The following AGGF1 variants were observed in gnomAD, a reference collection of about 807,000 sequenced individuals.
The protein encoded by AGGF1 is angiogenic factor with G-patch and FHA domains 1.
A neutral mutation model predicts 86.5 loss-of-function variants in AGGF1; 56 were observed. The observed-to-expected ratio is 0.65, with a 90% CI of 0.52 to 0.81. AGGF1 has a LOEUF of 0.81. Among genes scored for constraint, AGGF1 ranks in the 30% least tolerant of loss-of-function variants. The pLI, the probability that AGGF1 is intolerant of heterozygous loss-of-function variation, is 0.00. For missense variants in AGGF1, 816 were observed against 850.9 expected (o/e 0.96, Z 0.51); for synonymous variants, 313 against 297.1 (o/e 1.05, Z -0.55).
rs746995872 is a variant in AGGF1, at chr5:77,030,811, C to T, written c.45C>T (p.Pro15=). ...APSPPRSPPP[P]TSPEPELAQL... ...CCCCGCCGCGGTCGCCGCCGCCGCC[C>T]ACCTCCCCCGAGCCTGAGCTGGCCC... The change falls in exon 1 of 14, where the codon CCC becomes CCT. Residue 15 remains proline, a synonymous_variant. Coordinates refer to ENST00000312916, the MANE Select transcript of AGGF1 (RefSeq NM_018046.5). The T allele has an allele frequency of 1.9e-6, 3 of 1,605,558 alleles. No individual in the cohort carries two copies. Among genetic ancestry groups the T allele is most frequent in the Non-Finnish European group, 8.5e-7 (1 of 1,178,246 alleles).
At chr5:77,049,597 T>C (rs547999266) in intron 8 of AGGF1, among the ~76,000 whole-genome samples, 1 of 151,036 alleles carries the variant, frequency 6.6e-6, no homozygotes, top group African/African-American at 2.4e-5. Flanking sequence ...TTACCCAGGC[T>C]GGAGTACAGT....
chr5:77,044,968 G>A (rs941944203), intron 5 of AGGF1, among the ~76,000 whole-genome samples: 1 of 151,976 alleles, frequency 6.6e-6, no homozygotes, highest in Non-Finnish European at 1.5e-5. Flanking sequence ...GGGAGGCTGA[G>A]GCAGTAGAAT....
intron 5 of AGGF1, among the ~76,000 whole-genome samples, chr5:77,040,266 G>A (rs534459122): frequency 5.3e-5 from 8 of 151,960 alleles, no homozygotes; most frequent in South Asian, 2.1e-4. Flanking sequence ...GCACCAACAC[G>A]TCTGGCTAAT....
At chr5:77,032,838 G>A (rs952533649) in intron 1 of AGGF1, among the ~76,000 whole-genome samples, 6 of 152,060 alleles carry the variant, frequency 3.9e-5, no homozygotes, top group South Asian at 2.1e-4. Context: ...ATTTTGAGAG[G>A]TCAGCAATTC....
In AGGF1 at chr5:77,060,178, A is replaced by G. The variant is rs548717963; in HGVS notation, c.1844+435A>G. 4.6e-5 allele frequency among the ~76,000 whole-genome samples: 7 copies of G among 152,336 alleles called. No individual in the cohort carries two copies. In the South Asian group the frequency reaches 1.4e-3, roughly 32 times the overall value. The stretch of plus-strand genomic sequence containing the variant: ...TTAAAATTAACACTTTAACAACAAA[A>G]TGGAGACACTAAGTCTATTTATACT... On this transcript the variant is annotated intron_variant, in intron 12 of 13. Transcript: ENST00000312916.
rs748839256 is a variant in AGGF1, at chr5:77,063,268, A to C, written c.*16A>C. ...TTTAGAGTGAAGGCTAATCATAGAA[A>C]AAAAACCTCTAGTTTTTTTAAAAAT... On this transcript the variant is annotated 3_prime_UTR_variant, in exon 14 of 14. Coordinates refer to ENST00000312916, the MANE Select transcript of AGGF1 (RefSeq NM_018046.5). 6.2e-7 allele frequency: 1 copy of C among 1,608,966 alleles called. No individual in the cohort carries two copies. Among genetic ancestry groups the C allele is most frequent in the East Asian group, 2.2e-5 (1 of 44,856 alleles).
chr5:77,062,060 G>C (rs1009562949), intron 13 of AGGF1, among the ~76,000 whole-genome samples: 4 of 152,098 alleles, frequency 2.6e-5, no homozygotes, highest in African/African-American at 9.7e-5. Context: ...CTGAGCCAAA[G>C]GTTCTTCTGT....
At chr5:77,050,306 C>CTTTTTTTTTTTTTTTTTTTTT (rs10595061) in intron 8 of AGGF1, among the ~76,000 whole-genome samples, 4 of 76,564 alleles carry the variant, frequency 5.2e-5, no homozygotes, top group African/African-American at 1.7e-4. Flanking sequence ...TTCTTTGTTT[C>CTTTTTTTTTTTTTTTTTTTTT]TTTTTTTTTT....
At chr5:77,061,853 C>T (rs764754410) in intron 13 of AGGF1, 51 bp downstream of exon 13, 36 of 1,536,536 alleles carry the variant, frequency 2.3e-5, no homozygotes, top group African/African-American at 4.1e-5. Context: ...AGACATTTAC[C>T]GTGTACATTA....
At chr5:77,057,296 C>A (rs987032486) in intron 11 of AGGF1, among the ~76,000 whole-genome samples, 1 of 152,178 alleles carries the variant, frequency 6.6e-6, no homozygotes, top group South Asian at 2.1e-4. Flanking sequence ...GACCAGTAAA[C>A]AAATGTTCAT....
At chr5:77,058,208 T>C (rs1050025251) in intron 11 of AGGF1, among the ~76,000 whole-genome samples, 2 of 152,196 alleles carry the variant, frequency 1.3e-5, no homozygotes, top group African/African-American at 4.8e-5. Context: ...TAATTATACC[T>C]CAATAAAGTT....
chr5:77,033,925 C>T (rs34309009), intron 1 of AGGF1, among the ~76,000 whole-genome samples: 34,617 of 152,100 alleles, frequency 0.23, 4,483 homozygotes, highest in Non-Finnish European at 0.29. Flanking sequence ...AGGCCGTCAC[C>T]TTCCCTGTTC....
intron 9 of AGGF1, among the ~76,000 whole-genome samples, chr5:77,053,324 G>T (rs1747407133): frequency 6.6e-6 from 1 of 152,172 alleles, no homozygotes; most frequent in Non-Finnish European, 1.5e-5. Flanking sequence ...TTCAAGACCA[G>T]CCTGGCCACC....
chr5:77,039,490 T>C (rs1007153883), intron 4 of AGGF1, 41 bp from the exon 5 acceptor site: 1 of 1,509,126 alleles, frequency 6.6e-7, no homozygotes. Context: ...GTTTATTTTA[T>C]CTTACATGAA....
At chr5:77,054,385 T>G (rs779730379) in intron 10 of AGGF1, among the ~76,000 whole-genome samples, 4 of 152,202 alleles carry the variant, frequency 2.6e-5, no homozygotes, top group Non-Finnish European at 5.9e-5. Context: ...TAGATTATAA[T>G]TGTAGTTGAT....
At chr5:77,042,145 A>G (rs1747101758) in intron 5 of AGGF1, among the ~76,000 whole-genome samples, 1 of 152,186 alleles carries the variant, frequency 6.6e-6, no homozygotes, top group Admixed American at 6.5e-5. Context: ...TCACAGATCA[A>G]CAGGATCCCA....
At chr5:77,059,901 G>C (rs920415805) in intron 12 of AGGF1, among the ~76,000 whole-genome samples, 158 bp downstream of exon 12, 2 of 152,202 alleles carry the variant, frequency 1.3e-5, no homozygotes, top group African/African-American at 4.8e-5. Context: ...GAGTGCAGTG[G>C]TGTGGTCTCG....
intron 4 of AGGF1, among the ~76,000 whole-genome samples, chr5:77,038,436 A>G (rs773981860): frequency 1.3e-5 from 2 of 152,108 alleles, no homozygotes; most frequent in African/African-American, 2.4e-5. Context: ...TTGTGTTGCC[A>G]TTTTCATTGT....
chr5:77,059,524 A>G, intron 11 of AGGF1, 92 bp from the exon 12 acceptor site: 1 of 1,159,240 alleles, frequency 8.6e-7, no homozygotes, highest in Non-Finnish European at 1.3e-6. Context: ...TAGAGGCCAC[A>G]TTGAATCATA....
Sources: gnomAD v4.1 joint callset for allele counts (sites outside exome capture counted in the v4.1 genomes callset) on GRCh38, gnomAD v4.1.1 for gene constraint, MANE v1.5 for transcripts, NCBI Gene and HGNC (gene_info 2026-07-23, HGNC 2026-07-21) for gene names.